Variants in B4GALNT2 observed in about 807,000 individuals in gnomAD.
B4GALNT2 encodes beta-1,4-N-acetyl-galactosaminyltransferase 2 (SID blood group).
Under a neutral mutation model 51.1 loss-of-function variants are expected in B4GALNT2, and 42 were observed. The observed-to-expected ratio is 0.82, with a 90% CI of 0.64 to 1.06. B4GALNT2 has a LOEUF of 1.06. Among genes scored for constraint, B4GALNT2 ranks in the 50% least tolerant of loss-of-function variants. The pLI is 0.00. For synonymous variants in B4GALNT2, 253 were observed against 251.7 expected, an observed-to-expected ratio of 1.01 and a Z score of -0.05; for missense variants, 602 against 633.6, an observed-to-expected ratio of 0.95 and a Z score of 0.54.
intron 3 of B4GALNT2, 87 bp downstream of exon 3, chr17:49,142,259 G>A: frequency 6.5e-7 from 1 of 1,530,204 alleles, no homozygotes; most frequent in Non-Finnish European, 8.9e-7. Context: ...AAGAGAAAAA[G>A]CAGGAAGGAA....
rs532887998 is a variant in B4GALNT2, at chr17:49,136,040, G to A, written c.14+3234G>A. ...GGAGCTCGCAGTGAGCTGAGATCACGCCACTGCACTCCAGCCTGGGCAACA... is the reference window on the plus strand; with the variant it reads ...GGAGCTCGCAGTGAGCTGAGATCACACCACTGCACTCCAGCCTGGGCAACA... On this transcript the variant is annotated intron_variant, in intron 1 of 10. Coordinates refer to ENST00000393354, the MANE Select transcript of B4GALNT2 (RefSeq NM_001159387.2). Among the ~76,000 whole-genome samples the A allele has an allele frequency of 1.3e-3, 199 of 149,316 alleles. 1 individual carries two copies. The highest frequency in any genetic ancestry group is 2.3e-3 in the Non-Finnish European group (157 of 67,676).
chr17:49,130,275 G>T (rs185551098), upstream of B4GALNT2, among the ~76,000 whole-genome samples: 32 of 152,362 alleles, frequency 2.1e-4, no homozygotes, highest in Middle Eastern at 3.4e-3. Flanking sequence ...AGCTGGTGTG[G>T]GGAAAAGAGC....
At chr17:49,121,297 G>C in the B4GALNT2 span, among the ~76,000 whole-genome samples, 1 of 152,174 alleles carries the variant, frequency 6.6e-6, no homozygotes, top group Non-Finnish European at 1.5e-5. Flanking sequence ...CCTTTTTGGG[G>C]TGGCTCAAAT....
At chr17:49,139,706 G>C (rs1201334522) in intron 1 of B4GALNT2, among the ~76,000 whole-genome samples, 4 of 152,090 alleles carry the variant, frequency 2.6e-5, no homozygotes, top group Non-Finnish European at 5.9e-5. Context: ...TGTAGATACA[G>C]GGTCTTGTTT....
At chr17:49,125,771 T>TCCGGGAGGTGAGGGGCACCTCTGC in the B4GALNT2 span, among the ~76,000 whole-genome samples, 9 of 70,256 alleles carry the variant, frequency 1.3e-4, no homozygotes, top group South Asian at 4.5e-4. Context: ...CCCCCGCCCG[T>TCCGGGAGGTGAGGGGCACCTCTGC]CCGGCCGCCC....
intron 1 of B4GALNT2, among the ~76,000 whole-genome samples, chr17:49,135,942 G>C (rs1015580243): frequency 1.3e-5 from 2 of 151,782 alleles, no homozygotes; most frequent in Non-Finnish European, 2.9e-5. Flanking sequence ...AATTAGCCAG[G>C]TGTGGAGGTG....
chr17:49,149,573 G>C (rs1049572514), intron 3 of B4GALNT2, among the ~76,000 whole-genome samples: 2 of 150,474 alleles, frequency 1.3e-5, no homozygotes, highest in African/African-American at 4.9e-5. Context: ...CTTGAACCCG[G>C]GAGGTGGAGT....
chr17:49,136,965 C>G (rs1017006723), intron 1 of B4GALNT2, among the ~76,000 whole-genome samples: 3 of 152,018 alleles, frequency 2.0e-5, no homozygotes, highest in Non-Finnish European at 4.4e-5. Flanking sequence ...TTATCAATTA[C>G]ATAGTAAAAC....
In B4GALNT2 at chr17:49,173,154, T is replaced by C. The variant is rs1201389541; in HGVS notation, c.*3426T>C. ...CCTGGAAGAGGTGTATGAGCCCTAA[T>C]GTGAGTGATGTAAAAAGGATGCATT... On this transcript the variant is annotated 3_prime_UTR_variant, in exon 11 of 11. Coordinates refer to ENST00000393354, the MANE Select transcript of B4GALNT2 (RefSeq NM_001159387.2). 2 of 152,244 alleles carry C rather than the reference T, an allele frequency of 1.3e-5. No individual in the cohort carries two copies. Among genetic ancestry groups the C allele is most frequent in the Non-Finnish European group, 2.9e-5 (2 of 68,038 alleles). The allele number at this position is 152,244 out of a possible 1,614,324, so 9.4% of individuals were successfully genotyped here. A position where few individuals can be genotyped will look rare whatever the true frequency, so the allele number is the denominator to read the frequency against.
the B4GALNT2 span, among the ~76,000 whole-genome samples, chr17:49,127,283 A>G: frequency 2.6e-5 from 4 of 152,242 alleles, no homozygotes; most frequent in South Asian, 6.2e-4. Context: ...TCAAAAAATT[A>G]CACAAGCAAA....
intron 7 of B4GALNT2, 135 bp from the exon 8 acceptor site, chr17:49,163,953 C>T (rs547458034): frequency 1.9e-5 from 15 of 773,188 alleles, no homozygotes; most frequent in Non-Finnish European, 2.7e-5. Context: ...TTATTAAGCA[C>T]CTCCTGGGTA....
rs373524103 is a variant in B4GALNT2 at position 49,158,975 on chromosome 17, T to C, written c.499-62T>C. ...GGCTCCTGGCCTGGGTATGTATGTA[T>C]CTTTCCAGGGAGATATTTTCCAATC... On this transcript the variant is annotated intron_variant, in intron 5 of 10. Transcript: ENST00000393354. The C allele has an allele frequency of 1.1e-4, 176 of 1,557,928 alleles. No homozygotes were observed. In the African/African-American group the frequency reaches 2.0e-3, roughly 17 times the overall value.
intron 9 of B4GALNT2, among the ~76,000 whole-genome samples, chr17:49,166,855 G>C (rs544736768): frequency 6.6e-6 from 1 of 152,230 alleles, no homozygotes; most frequent in South Asian, 2.1e-4. Context: ...TGTAGTCCAA[G>C]CTACTCAGGA....
Position 49,169,823 on chromosome 17 carries a change from C to A in B4GALNT2, c.*95C>A. 8.2e-7 allele frequency: 1 copy of A among 1,214,884 alleles called. No individual in the cohort carries two copies. The highest frequency in any genetic ancestry group is 1.1e-6 in the Non-Finnish European group (1 of 897,120). The allele number at this position is 1,214,884 out of a possible 1,614,324, so 75.3% of individuals were successfully genotyped here. ...GACTCCTGATAGGTGAACGTTGTACCAAACCAGCTGGTGGGTAGGGAAAAG... is the reference window on the plus strand; with the variant it reads ...GACTCCTGATAGGTGAACGTTGTACAAAACCAGCTGGTGGGTAGGGAAAAG... On this transcript the variant is annotated 3_prime_UTR_variant, in exon 11 of 11. Transcript: ENST00000393354.
rs777391089 is a variant in B4GALNT2, at chr17:49,152,882, C to T, written c.436C>T (p.Pro146Ser). ...CCCAGTCCACGGAGTGGAGGTGATG[C>T]CCCTGCACACGGTTCCCATCCCAGG... is the stretch of plus-strand genomic sequence containing the variant. ...GYPVHGVEVM[P>S]LHTVPIPGLQ... Residue 146 changes from proline (P) to serine (S), a missense_variant, in exon 4 of 11, where the codon CCC becomes TCC. Coordinates refer to ENST00000393354, the MANE Select transcript of B4GALNT2 (RefSeq NM_001159387.2). 12 of 1,610,454 alleles carry T rather than the reference C, an allele frequency of 7.5e-6. No homozygotes were observed. The highest frequency in any genetic ancestry group is 1.1e-5 in the South Asian group (1 of 90,240).
rs2144354840 is a variant in B4GALNT2 at position 49,174,200 on chromosome 17, G to A, written c.*4472G>A. 6.6e-6 allele frequency: 1 copy of A among 152,224 alleles called. No homozygotes were observed. The highest frequency in any genetic ancestry group is 1.5e-5 in the Non-Finnish European group (1 of 68,012). 9.4% of individuals were successfully genotyped at this position (152,224 alleles called of 1,614,324 possible). ...AAATTTTGCAAGTGATCATAACATT[G>A]GAGTAATATTTCTCGAGTGGGGGGC... On this transcript the variant is annotated 3_prime_UTR_variant, in exon 11 of 11. Transcript: ENST00000393354.
At chr17:49,153,452 C>T (rs1186024009) in intron 4 of B4GALNT2, among the ~76,000 whole-genome samples, 2 of 151,196 alleles carry the variant, frequency 1.3e-5, no homozygotes, top group African/African-American at 4.9e-5. Context: ...AAGTATGGAG[C>T]AGACATTCAT....
Position 49,172,122 on chromosome 17 carries a change from C to G in B4GALNT2, c.*2394C>G. On this transcript the variant is annotated 3_prime_UTR_variant, in exon 11 of 11. Transcript: ENST00000393354. Reference sequence around the variant, plus strand: ...GGTTGTCCCACTTTCCTCAGGTTTTCTTCCACCATCTGTGACAGCTTCTTG... The same window carrying G: ...GGTTGTCCCACTTTCCTCAGGTTTTGTTCCACCATCTGTGACAGCTTCTTG... 1 of 305,770 alleles carries G rather than the reference C, an allele frequency of 3.3e-6. No homozygotes were observed. Among genetic ancestry groups the G allele is most frequent in the Middle Eastern group, 9.8e-4 (1 of 1,024 alleles). 18.9% of individuals were successfully genotyped at this position (305,770 alleles called of 1,614,324 possible). A position where few individuals can be genotyped will look rare whatever the true frequency, so the allele number is the denominator to read the frequency against.
the B4GALNT2 span, among the ~76,000 whole-genome samples, chr17:49,125,815 G>A: frequency 1.8e-4 from 12 of 67,934 alleles, 1 homozygote; most frequent in East Asian, 1.5e-3. Context: ...CTGCCCGGCC[G>A]CCCCTACTGG....
Sources: allele counts gnomAD v4.1 joint callset (sites outside exome capture counted in the v4.1 genomes callset), GRCh38; gene constraint gnomAD v4.1.1; transcripts MANE v1.5; gene names NCBI Gene and HGNC (gene_info 2026-07-23, HGNC 2026-07-21).